The following SNX29 variants were observed in gnomAD, a reference collection of about 807,000 sequenced individuals.
SNX29 encodes the protein sorting nexin 29, also known as sorting nexin-29.
In SNX29, 78 loss-of-function variants were observed where a neutral mutation model predicts 102.1. The observed-to-expected ratio is 0.76, with a 90% CI of 0.64 to 0.92. The LOEUF is 0.92. SNX29 is among the 40% of genes least tolerant of loss of function. The pLI is 0.00. For missense variants in SNX29, 1,280 were observed against 1,061.7 expected, an observed-to-expected ratio of 1.21 and a Z score of -2.86; for synonymous variants, 580 against 414.5, an observed-to-expected ratio of 1.40 and a Z score of -4.85.
chr16:12,042,397 A>T (rs1379588387), intron 4 of SNX29, among the ~76,000 whole-genome samples: 4 of 152,056 alleles, frequency 2.6e-5, no homozygotes, highest in Admixed American at 2.0e-4. Context: ...CGTGATGCCG[A>T]GGTTTAGGGC....
chr16:12,552,803 G>A lies in SNX29; in HGVS notation c.2319-15703G>A, dbSNP rs183749963. 1.0e-3 allele frequency among the ~76,000 whole-genome samples: 155 copies of A among 152,314 alleles called. No homozygotes were observed. The South Asian group carries it at 0.017, about 17-fold the overall frequency. On this transcript the variant is annotated intron_variant, in intron 20 of 20. Transcript: ENST00000566228. ...CTCTGGGCTTTCAGTCATCCTGGAG[G>A]AGAGAACAGCCAACAGTGTGACACC...
chr16:12,160,031 G>A (rs761234843), intron 13 of SNX29, among the ~76,000 whole-genome samples: 7 of 152,142 alleles, frequency 4.6e-5, no homozygotes, highest in East Asian at 3.8e-4. Context: ...TTCCAAAAGC[G>A]CAGGCTAGTC....
At chr16:12,210,296 G>A (rs1251303798) in intron 14 of SNX29, among the ~76,000 whole-genome samples, 1 of 149,836 alleles carries the variant, frequency 6.7e-6, no homozygotes, top group Non-Finnish European at 1.5e-5. Context: ...TCCTCGTTTT[G>A]CACTCAAGGG....
At chr16:12,119,719 G>T (rs944333483) in intron 11 of SNX29, among the ~76,000 whole-genome samples, 3 of 148,622 alleles carry the variant, frequency 2.0e-5, no homozygotes, top group Non-Finnish European at 2.9e-5. Flanking sequence ...CTGCCCGCTT[G>T]GGGGGACAGG....
At chr16:12,532,419 C>T (rs1016876422) in intron 20 of SNX29, among the ~76,000 whole-genome samples, 1 of 152,150 alleles carries the variant, frequency 6.6e-6, no homozygotes, top group African/African-American at 2.4e-5. Flanking sequence ...TCATTCTAGG[C>T]TGTCGTGTTT....
chr16:12,236,398 C>G (rs1163184646), intron 14 of SNX29, among the ~76,000 whole-genome samples: 1 of 152,162 alleles, frequency 6.6e-6, no homozygotes, highest in Admixed American at 6.5e-5. Flanking sequence ...TCTCGCTATT[C>G]TTCTTCTTGT....
intron 20 of SNX29, among the ~76,000 whole-genome samples, chr16:12,525,608 C>T (rs895197879): frequency 2.6e-5 from 4 of 151,852 alleles, no homozygotes; most frequent in African/African-American, 4.8e-5. Context: ...AGGAGAATCA[C>T]TTGAACCCAG....
At chr16:12,459,135 C>A (rs1307127608) in intron 18 of SNX29, among the ~76,000 whole-genome samples, 1 of 139,156 alleles carries the variant, frequency 7.2e-6, no homozygotes, top group African/African-American at 2.7e-5. Flanking sequence ...ATTTCACTCC[C>A]CCCTCCTCCC....
chr16:12,430,962 C>T (rs2085287849), intron 18 of SNX29, among the ~76,000 whole-genome samples: 2 of 151,952 alleles, frequency 1.3e-5, no homozygotes, highest in East Asian at 1.9e-4. Flanking sequence ...AAATGATTCT[C>T]CTGCCTCAGC....
chr16:12,211,046 A>G (rs2077170844), intron 14 of SNX29, among the ~76,000 whole-genome samples: 2 of 151,800 alleles, frequency 1.3e-5, no homozygotes, highest in South Asian at 2.1e-4. Flanking sequence ...TGTTTTTCCC[A>G]CCACCTCCCT....
intron 13 of SNX29, among the ~76,000 whole-genome samples, chr16:12,176,735 A>G (rs921032056): frequency 4.6e-5 from 7 of 152,164 alleles, no homozygotes; most frequent in African/African-American, 1.7e-4. Flanking sequence ...CATGGATACC[A>G]AAGGATGTGT....
At chr16:12,224,112 C>CT (rs2077547038) in intron 14 of SNX29, among the ~76,000 whole-genome samples, 1 of 152,136 alleles carries the variant, frequency 6.6e-6, no homozygotes, top group Non-Finnish European at 1.5e-5. Context: ...GGGTGGAACT[C>CT]TTTTTCCTTT....
chr16:12,289,060 A>G (rs2079703339), intron 15 of SNX29, among the ~76,000 whole-genome samples: 2 of 152,242 alleles, frequency 1.3e-5, no homozygotes, highest in South Asian at 4.1e-4. Context: ...TAGCTTGTCA[A>G]GAACTAGAAC....
At chr16:12,552,569 G>C (rs1239218724) in intron 20 of SNX29, among the ~76,000 whole-genome samples, 1 of 151,986 alleles carries the variant, frequency 6.6e-6, no homozygotes, top group Non-Finnish European at 1.5e-5. Context: ...GGCCAGCCAA[G>C]TTGCTGCCCT....
At position 12,316,313 on chromosome 16, in the gene SNX29, G is replaced by A. The variant is rs114963184; in HGVS notation, c.1782+38277G>A. On this transcript the variant is annotated intron_variant, in intron 15 of 20. Coordinates refer to ENST00000566228, the MANE Select transcript of SNX29 (RefSeq NM_032167.5). The stretch of plus-strand genomic sequence containing the variant: ...CAGGGTGGGTGGATCACAAGGCCGA[G>A]GTGGGTGGATCACGAGGTCAAGAGA... Among the ~76,000 whole-genome samples, 421 of 152,276 alleles carry A rather than the reference G, an allele frequency of 2.8e-3. 1 individual carries two copies. The highest frequency in any genetic ancestry group is 9.7e-3 in the African/African-American group (403 of 41,548).
At chr16:12,376,412 T>C (rs1436897483) in intron 16 of SNX29, among the ~76,000 whole-genome samples, 2 of 152,212 alleles carry the variant, frequency 1.3e-5, no homozygotes, top group Middle Eastern at 3.2e-3. Flanking sequence ...TAATTGATTA[T>C]GTAGGAATGA....
chr16:12,056,900 A>C (rs951633951), intron 8 of SNX29, among the ~76,000 whole-genome samples: 4 of 151,630 alleles, frequency 2.6e-5, no homozygotes, highest in African/African-American at 9.7e-5. Flanking sequence ...CACACCCTCA[A>C]CTCAGGGAAC....
chr16:11,995,727 GA>G (rs2056045090), intron 1 of SNX29, among the ~76,000 whole-genome samples: 1 of 151,652 alleles, frequency 6.6e-6, no homozygotes, highest in African/African-American at 2.4e-5. Flanking sequence ...ATTCAGGTGT[GA>G]AAGGAGCCGG....
At position 12,573,991 on chromosome 16, in the gene SNX29, C is replaced by T. The variant is rs969201305; in HGVS notation, c.*5362C>T. On this transcript the variant is annotated 3_prime_UTR_variant, in exon 21 of 21. Transcript: ENST00000566228. ...CACTAGGGGGCGCCCATGATCGGCT[C>T]CCAGTGCACCCCCTTAAGGGTAAGC... 1 of 198,202 alleles carries T rather than the reference C, an allele frequency of 5.0e-6. No homozygotes were observed. The highest frequency in any genetic ancestry group is 1.9e-4 in the South Asian group (1 of 5,196). 12.3% of individuals were successfully genotyped at this position (198,202 alleles called of 1,614,324 possible).
Sources: gnomAD v4.1 joint callset for allele counts (sites outside exome capture counted in the v4.1 genomes callset) on GRCh38, gnomAD v4.1.1 for gene constraint, MANE v1.5 for transcripts, NCBI Gene and HGNC (gene_info 2026-07-23, HGNC 2026-07-21) for gene names.